The following FSIP1 variants were observed in gnomAD, a reference collection of about 807,000 sequenced individuals.
FSIP1 encodes fibrous sheath interacting protein 1.
In FSIP1, 65 loss-of-function variants were observed where a neutral mutation model predicts 60.9. That is an observed-to-expected ratio of 1.07 (90% confidence interval 0.87 to 1.31). The LOEUF is 1.31. Ranked by LOEUF, FSIP1 falls within the 40% of genes most tolerant of loss-of-function variation. The pLI, the probability that FSIP1 is intolerant of heterozygous loss-of-function variation, is 0.00. For synonymous variants in FSIP1, 209 were observed against 221.2 expected (o/e 0.94, Z 0.49); for missense variants, 675 against 665.5 (o/e 1.01, Z -0.16).
chr15:39,632,052 A>C (rs574709137), intron 10 of FSIP1, among the ~76,000 whole-genome samples: 1 of 152,326 alleles, frequency 6.6e-6, no homozygotes, highest in Admixed American at 6.5e-5. Flanking sequence ...GGATTATATA[A>C]AGACTGACGA....
At chr15:39,775,001 T>A (rs1372645914) in intron 2 of FSIP1, among the ~76,000 whole-genome samples, 1 of 152,142 alleles carries the variant, frequency 6.6e-6, no homozygotes, top group Non-Finnish European at 1.5e-5. Context: ...TTTGAGGAAC[T>A]AAACTCTTTT....
chr15:39,778,321 G>T (rs1898132071), intron 1 of FSIP1, among the ~76,000 whole-genome samples: 1 of 152,176 alleles, frequency 6.6e-6, no homozygotes, highest in African/African-American at 2.4e-5. Context: ...AAAGGCACAG[G>T]CACAGGCAAC....
intron 8 of FSIP1, among the ~76,000 whole-genome samples, chr15:39,730,524 C>T (rs1896364925): frequency 6.6e-6 from 1 of 152,122 alleles, no homozygotes; most frequent in Non-Finnish European, 1.5e-5. Context: ...AGGAACTAAG[C>T]CCTAGGTGAT....
At chr15:39,667,662 T>A (rs1308775074) in intron 10 of FSIP1, among the ~76,000 whole-genome samples, 1 of 152,042 alleles carries the variant, frequency 6.6e-6, no homozygotes, top group Non-Finnish European at 1.5e-5. Context: ...GGAGGCAGTC[T>A]TAGCGGGAGA....
intron 7 of FSIP1, among the ~76,000 whole-genome samples, chr15:39,738,991 G>C (rs1896712136): frequency 6.6e-6 from 1 of 152,222 alleles, no homozygotes; most frequent in African/African-American, 2.4e-5. Context: ...TAGTGACTCT[G>C]CTCAAGGGTG....
intron 10 of FSIP1, among the ~76,000 whole-genome samples, chr15:39,667,809 C>G (rs1893557594): frequency 6.6e-6 from 1 of 152,122 alleles, no homozygotes; most frequent in African/African-American, 2.4e-5. Context: ...TCAATTTAGG[C>G]AAAGGCCTGA....
At chr15:39,767,996 G>A (rs1012846285) in intron 3 of FSIP1, among the ~76,000 whole-genome samples, 12 of 152,154 alleles carry the variant, frequency 7.9e-5, no homozygotes, top group African/African-American at 2.4e-4. Context: ...GCCAGCAGAC[G>A]GCAAAGCTGA....
chr15:39,641,066 G>T (rs1039231118), intron 10 of FSIP1, among the ~76,000 whole-genome samples: 12 of 152,074 alleles, frequency 7.9e-5, no homozygotes, highest in African/African-American at 1.7e-4. Context: ...ATCCCAAAAG[G>T]CTCATGGACA....
Position 39,782,644 on chromosome 15 carries a change from C to T in FSIP1, c.-24G>A, listed in dbSNP as rs1428130177. On this transcript the variant is annotated 5_prime_UTR_variant, in exon 1 of 12. Transcript: ENST00000350221. ...GCCCCTCACCTTCCCGCCGGGCCTC[C>T]TCGAGGAACTGGCCGCCGTCAGTCA... 2.0e-5 allele frequency: 3 copies of T among 152,478 alleles called. No homozygotes were observed. Among genetic ancestry groups the T allele is most frequent in the African/African-American group, 7.2e-5 (3 of 41,440 alleles). 9.4% of individuals were successfully genotyped at this position (152,478 alleles called of 1,614,324 possible). A position where few individuals can be genotyped will look rare whatever the true frequency, so the allele number is the denominator to read the frequency against.
At chr15:39,765,861 C>T in intron 3 of FSIP1, 115 bp from the exon 4 acceptor site, 2 of 567,108 alleles carry the variant, frequency 3.5e-6, no homozygotes, top group Non-Finnish European at 6.1e-6. Context: ...ATAGTAATAA[C>T]TACTACATTG....
rs980116068 is a variant in FSIP1 at position 39,739,604 on chromosome 15, T to C, written c.780+61A>G. The C allele has an allele frequency of 2.5e-5, 36 of 1,451,724 alleles. No individual in the cohort carries two copies. In the Middle Eastern group the frequency reaches 8.7e-4, roughly 35 times the overall value. 89.9% of individuals were successfully genotyped at this position (1,451,724 alleles called of 1,614,324 possible). Reference sequence around the variant, plus strand: ...TATTTAAAGACACTGAACAAAACTATTGCCATTTTTTTCAACTCATTTAGC... The same window carrying C: ...TATTTAAAGACACTGAACAAAACTACTGCCATTTTTTTCAACTCATTTAGC... On this transcript the variant is annotated intron_variant, in intron 7 of 11. Transcript: ENST00000350221.
intron 10 of FSIP1, among the ~76,000 whole-genome samples, chr15:39,649,233 A>C (rs1267828002): frequency 2.0e-5 from 3 of 152,234 alleles, no homozygotes; most frequent in African/African-American, 7.2e-5. Context: ...AAAGACCAAA[A>C]ACACCTGTAA....
Position 39,753,010 on chromosome 15 carries a change from T to C in FSIP1, c.559+10811A>G, listed in dbSNP as rs372979248. Among the ~76,000 whole-genome samples the C allele has an allele frequency of 1.9e-4, 29 of 152,146 alleles. No individual in the cohort carries two copies. In the East Asian group the frequency reaches 3.7e-3, roughly 19 times the overall value. On this transcript the variant is annotated intron_variant, in intron 5 of 11. Coordinates refer to ENST00000350221, the MANE Select transcript of FSIP1 (RefSeq NM_152597.5). ...AGATAAAGAGGATGTACAAACAATA[T>C]GAAAAAGAATTATTATTTAAAAGAC...
intron 7 of FSIP1, among the ~76,000 whole-genome samples, chr15:39,739,432 T>C (rs1470831621): frequency 6.6e-6 from 1 of 152,214 alleles, no homozygotes; most frequent in African/African-American, 2.4e-5. Context: ...AAATAAATGA[T>C]AGATGCACCT....
chr15:39,646,520 C>CAAAAAAAAAAAAAAA lies in FSIP1; in HGVS notation c.1189-28290_1189-28276dup, dbSNP rs71132108. On this transcript the variant is annotated intron_variant, in intron 10 of 11. Transcript: ENST00000350221. ...GTAACATAGCGAGACCTCATCTCTACAAAAAAAAAAAAAAAAAAAAAAAAA... is the reference window on the plus strand; with the variant it reads ...GTAACATAGCGAGACCTCATCTCTACAAAAAAAAAAAAAAAAAAAAAAAAAAAAAAAAAAAAAAAA... Among the ~76,000 whole-genome samples, 6 of 27,116 alleles carry CAAAAAAAAAAAAAAA rather than the reference C, an allele frequency of 2.2e-4. 2 individuals carry two copies. Among genetic ancestry groups the CAAAAAAAAAAAAAAA allele is most frequent in the Non-Finnish European group, 4.7e-4 (6 of 12,834 alleles). 17.8% of individuals were successfully genotyped at this position (27,116 alleles called of 152,430 possible). A position where few individuals can be genotyped will look rare whatever the true frequency, so the allele number is the denominator to read the frequency against.
intron 10 of FSIP1, among the ~76,000 whole-genome samples, chr15:39,648,761 T>A (rs1172579274): frequency 6.6e-6 from 1 of 152,178 alleles, no homozygotes; most frequent in Admixed American, 6.5e-5. Flanking sequence ...AACTGAATTA[T>A]AAAGGTCAAG....
chr15:39,606,180 T>C (rs1366698778), intron 11 of FSIP1, among the ~76,000 whole-genome samples: 1 of 152,222 alleles, frequency 6.6e-6, no homozygotes, highest in Admixed American at 6.5e-5. Flanking sequence ...TCCAGTTTGC[T>C]AGAGACTGAG....
intron 10 of FSIP1, among the ~76,000 whole-genome samples, chr15:39,641,220 T>C (rs182733329): frequency 1.8e-4 from 27 of 151,412 alleles, no homozygotes; most frequent in Non-Finnish European, 2.8e-4. Flanking sequence ...TAATTCAAAC[T>C]GAAAAAAAAA....
At chr15:39,694,090 G>A (rs1019633465) in intron 10 of FSIP1, among the ~76,000 whole-genome samples, 2 of 151,846 alleles carry the variant, frequency 1.3e-5, no homozygotes, top group African/African-American at 4.8e-5. Context: ...AAAAACTGCA[G>A]TAACAAGCAC....
Sources: gnomAD v4.1 joint callset for allele counts (sites outside exome capture counted in the v4.1 genomes callset) on GRCh38, gnomAD v4.1.1 for gene constraint, MANE v1.5 for transcripts, NCBI Gene and HGNC (gene_info 2026-07-23, HGNC 2026-07-21) for gene names.